The following GPM6A variants were observed in gnomAD, a reference collection of about 807,000 sequenced individuals.
GPM6A encodes the protein glycoprotein M6A.
GPM6A carries 7 observed loss-of-function variants against 32.1 expected under a neutral mutation model. The ratio of observed to expected loss-of-function variants is 0.22; its 90% CI spans 0.12 to 0.41. The LOEUF (loss-of-function observed/expected upper bound fraction) is 0.41. Among genes scored for constraint, GPM6A ranks in the 10% least tolerant of loss-of-function variants. The probability of loss-of-function intolerance (pLI) is 1.00; values close to 1 mark genes in which losing one functional copy is unlikely to be tolerated. For missense variants in GPM6A, 235 were observed against 347.2 expected (o/e 0.68, Z 2.57); for synonymous variants, 130 against 123.4 (o/e 1.05, Z -0.35).
chr4:175,752,429 T>C (rs1236686233), intron 1 of GPM6A, among the ~76,000 whole-genome samples: 2 of 152,084 alleles, frequency 1.3e-5, no homozygotes, highest in African/African-American at 4.8e-5. Context: ...CTTGGAACTC[T>C]CCCATGTTTG....
At chr4:175,916,400 A>G (rs1455793214) in intron 1 of GPM6A, among the ~76,000 whole-genome samples, 1 of 152,252 alleles carries the variant, frequency 6.6e-6, no homozygotes, top group African/African-American at 2.4e-5. Context: ...GAGCTAAATC[A>G]AAATTATCCC....
chr4:175,893,960 C>A (rs11932425), intron 1 of GPM6A, among the ~76,000 whole-genome samples: 7,376 of 152,170 alleles, frequency 0.048, 576 homozygotes, highest in African/African-American at 0.17. Flanking sequence ...ACCTCACATT[C>A]TATCTCTGAG....
intron 1 of GPM6A, among the ~76,000 whole-genome samples, chr4:175,881,246 C>A (rs1380977754): frequency 6.6e-6 from 1 of 152,124 alleles, no homozygotes; most frequent in Non-Finnish European, 1.5e-5. Context: ...TGAAAAAATG[C>A]TCATCATCAC....
intron 3 of GPM6A, among the ~76,000 whole-genome samples, chr4:175,667,291 A>G (rs904271670): frequency 9.9e-5 from 15 of 152,188 alleles, no homozygotes; most frequent in African/African-American, 3.6e-4. Flanking sequence ...TTATCTCTGT[A>G]ACCTTCCTCC....
Position 175,905,387 on chromosome 4 carries a change from T to C in GPM6A, c.-22-93138A>G, listed in dbSNP as rs575196520. Reference sequence around the variant, plus strand: ...GTTCTAAGTTTTTTTGTGATTTTTTTTTTCTCATCAGCTATTGTTAGTGTT... The same window carrying C: ...GTTCTAAGTTTTTTTGTGATTTTTTCTTTCTCATCAGCTATTGTTAGTGTT... On this transcript the variant is annotated intron_variant, in intron 1 of 7. Coordinates refer to the GPM6A transcript ENST00000280187. Among the ~76,000 whole-genome samples the C allele has an allele frequency of 8.5e-5, 13 of 152,234 alleles. No homozygotes were observed. The East Asian group carries it at 2.5e-3, about 29-fold the overall frequency.
intron 2 of GPM6A, 71 bp from the exon 3 acceptor site, chr4:175,673,907 T>C: frequency 2.1e-6 from 2 of 946,074 alleles, no homozygotes; most frequent in South Asian, 1.8e-5. Context: ...GATTCTCACA[T>C]GCTCATGATT....
intron 2 of GPM6A, among the ~76,000 whole-genome samples, chr4:175,685,658 T>G (rs2111020480): frequency 6.6e-6 from 1 of 152,320 alleles, no homozygotes; most frequent in Non-Finnish European, 1.5e-5. Context: ...CCAATTATCA[T>G]GTTTTCTGTT....
rs141609792 is a variant in GPM6A at position 175,990,814 on chromosome 4, G to A, written c.-23+11495C>T. ...TTTACCTGTCAGCTGATTTAAACCA[G>A]GATGTATTTATCATATGATGTAAGG... On this transcript the variant is annotated intron_variant, in intron 1 of 7. Transcript: ENST00000280187. 1.1e-3 allele frequency among the ~76,000 whole-genome samples: 169 copies of A among 152,056 alleles called. 1 individual carries two copies. The highest frequency in any genetic ancestry group is 3.7e-3 in the African/African-American group (155 of 41,488).
rs1391344839 is a variant in GPM6A, at chr4:175,811,647, T to A, written c.37+544A>T. On this transcript the variant is annotated intron_variant, in intron 1 of 6. Coordinates refer to ENST00000393658, the MANE Select transcript of GPM6A (RefSeq NM_201591.3). ...TTAACGCTTCCATACACCCTGAAAA[T>A]TTATGAACTTTTGCTCCATCTGCTT... Among the ~76,000 whole-genome samples, 3 of 152,174 alleles carry A rather than the reference T, an allele frequency of 2.0e-5. 1 individual carries two copies. The highest frequency in any genetic ancestry group is 4.1e-4 in the South Asian group (2 of 4,832).
chr4:175,751,838 A>G (rs547261153), intron 1 of GPM6A, among the ~76,000 whole-genome samples: 1 of 152,246 alleles, frequency 6.6e-6, no homozygotes, highest in African/African-American at 2.4e-5. Flanking sequence ...TGGAGAGGAA[A>G]AAAAGGAAAA....
Position 175,892,447 on chromosome 4 carries a change from C to T in GPM6A, c.-22-80198G>A, listed in dbSNP as rs549036596. Among the ~76,000 whole-genome samples the T allele has an allele frequency of 9.9e-5, 15 of 152,276 alleles. No individual in the cohort carries two copies. The South Asian group carries it at 2.5e-3, about 25-fold the overall frequency. On this transcript the variant is annotated intron_variant, in intron 1 of 7. Transcript: ENST00000280187. Reference sequence around the variant, plus strand: ...TCATGTGTCAACTATTTCATGAATTCGTAAGCAGCCCCAACTGGAGTAATG... The same window carrying T: ...TCATGTGTCAACTATTTCATGAATTTGTAAGCAGCCCCAACTGGAGTAATG...
chr4:175,804,877 C>T lies in GPM6A; in HGVS notation c.37+7314G>A, dbSNP rs563206980. ...TGGCTAACACAGTGAAATGCTGTCT[C>T]TACTAAAAACACAAAAAATTAGCTG... On this transcript the variant is annotated intron_variant, in intron 1 of 6. Transcript: ENST00000393658. Among the ~76,000 whole-genome samples, 7 of 152,018 alleles carry T rather than the reference C, an allele frequency of 4.6e-5. No individual in the cohort carries two copies. In the South Asian group the frequency reaches 1.0e-3, roughly 23 times the overall value.
chr4:175,670,145 TCCAAAAG>T (rs2110972980), intron 3 of GPM6A, among the ~76,000 whole-genome samples: 1 of 152,348 alleles, frequency 6.6e-6, no homozygotes, highest in Non-Finnish European at 1.5e-5. Flanking sequence ...TAAACACACT[TCCAAAAG>T]TTATTATTGT....
At chr4:175,721,045 T>TATGTACATATATATATATA (rs1560895610) in intron 1 of GPM6A, among the ~76,000 whole-genome samples, 3 of 131,520 alleles carry the variant, frequency 2.3e-5, no homozygotes, top group African/African-American at 8.6e-5. Context: ...ATATATTATA[T>TATGTACATATATATATATA]ATATATATGT....
chr4:175,706,625 T>G (rs1168483982), intron 1 of GPM6A, among the ~76,000 whole-genome samples: 1 of 152,220 alleles, frequency 6.6e-6, no homozygotes, highest in Non-Finnish European at 1.5e-5. Flanking sequence ...GGTATAGGTC[T>G]GTTTGAGGGC....
In GPM6A at chr4:175,640,198, C is replaced by T. The variant is rs139045202; in HGVS notation, c.619-4G>A. On this transcript the variant is annotated splice_polypyrimidine_tract_variant and splice_region_variant and intron_variant, in intron 5 of 6. Coordinates refer to ENST00000393658, the MANE Select transcript of GPM6A (RefSeq NM_201591.3). ...ACAAGTGGAAGGTCATGTTCAGCTG[C>T]AATGGAAACCACAGAGAATCAAAAG... is the stretch of plus-strand genomic sequence containing the variant. 1.2e-4 allele frequency: 194 copies of T among 1,611,544 alleles called. 1 individual carries two copies. In the African/African-American group the frequency reaches 2.0e-3, roughly 17 times the overall value.
At chr4:175,983,715 C>T (rs1275332325) in intron 1 of GPM6A, among the ~76,000 whole-genome samples, 2 of 152,152 alleles carry the variant, frequency 1.3e-5, no homozygotes, top group African/African-American at 4.8e-5. Context: ...TGCATCTATG[C>T]TCCTGAGATA....
At chr4:175,951,432 A>T (rs973291266) in intron 1 of GPM6A, among the ~76,000 whole-genome samples, 1 of 152,186 alleles carries the variant, frequency 6.6e-6, no homozygotes, top group Admixed American at 6.5e-5. Flanking sequence ...AAGAGAGAGG[A>T]TAGAGTTGGA....
intron 1 of GPM6A, among the ~76,000 whole-genome samples, chr4:175,909,763 T>C (rs1738254408): frequency 6.6e-6 from 1 of 152,150 alleles, no homozygotes; most frequent in East Asian, 1.9e-4. Flanking sequence ...AGGATTTGCA[T>C]AGGGCAAACA....
Sources: allele counts gnomAD v4.1 joint callset (sites outside exome capture counted in the v4.1 genomes callset), GRCh38; gene constraint gnomAD v4.1.1; transcripts MANE v1.5; gene names NCBI Gene and HGNC (gene_info 2026-07-23, HGNC 2026-07-21).